The following SNX30 variants were observed in gnomAD, a reference collection of about 807,000 sequenced individuals.
The protein encoded by SNX30 is sorting nexin-30.
In SNX30, 24 loss-of-function variants were observed where a neutral mutation model predicts 46.4. The observed-to-expected ratio is 0.52, with a 90% CI of 0.37 to 0.73. SNX30 has a LOEUF of 0.73. SNX30 is among the 30% of genes least tolerant of loss of function. SNX30 has a pLI of 0.00. For synonymous variants in SNX30, 189 were observed against 211.5 expected (o/e 0.89, Z 0.92); for missense variants, 533 against 555.7 (o/e 0.96, Z 0.41).
At chr9:112,832,447 AGAGAGAGAGAGAGTGTGTGT>A (rs1184461200) in intron 4 of SNX30, among the ~76,000 whole-genome samples, 6 of 120,742 alleles carry the variant, frequency 5.0e-5, no homozygotes, top group African/African-American at 2.1e-4. Flanking sequence ...AGAGAGAGAG[AGAGAGAGAGAGAGTGTGTGT>A]GTGTGTGTGT....
intron 1 of SNX30, among the ~76,000 whole-genome samples, chr9:112,770,879 C>T (rs988347292): frequency 6.6e-6 from 1 of 152,084 alleles, no homozygotes; most frequent in African/African-American, 2.4e-5. Context: ...GCCTGTAGTC[C>T]CAGCTACTCA....
At chr9:112,829,421 G>A (rs974999591) in intron 3 of SNX30, among the ~76,000 whole-genome samples, 4 of 152,160 alleles carry the variant, frequency 2.6e-5, no homozygotes, top group Admixed American at 6.5e-5. Flanking sequence ...ATAGGTGCAA[G>A]CCACCATGCC....
intron 1 of SNX30, among the ~76,000 whole-genome samples, chr9:112,768,298 G>T (rs927713145): frequency 6.6e-6 from 1 of 152,160 alleles, no homozygotes; most frequent in Non-Finnish European, 1.5e-5. Context: ...GTTTCCAGCC[G>T]ACATCTATTG....
intron 1 of SNX30, among the ~76,000 whole-genome samples, chr9:112,762,327 G>A (rs1162299521): frequency 6.6e-6 from 1 of 152,118 alleles, no homozygotes; most frequent in Non-Finnish European, 1.5e-5. Flanking sequence ...AGCGTGTTTG[G>A]GTGGCCGAGT....
At chr9:112,824,656 AG>A (rs1473007470) in intron 3 of SNX30, among the ~76,000 whole-genome samples, 3 of 152,124 alleles carry the variant, frequency 2.0e-5, no homozygotes, top group Admixed American at 6.5e-5. Flanking sequence ...TTCCACCAGA[AG>A]GCTCTAGGGG....
rs1281493215 is a variant in SNX30, at chr9:112,785,099, A to G, written c.157-19677A>G. On this transcript the variant is annotated intron_variant, in intron 1 of 8. Coordinates refer to ENST00000374232, the MANE Select transcript of SNX30 (RefSeq NM_001012994.2). Reference sequence around the variant, plus strand: ...ACACCTATGTTTTGGTCTATAGAATAAATAGGGAGTGATTATTTTGTCCCA... The same window carrying G: ...ACACCTATGTTTTGGTCTATAGAATGAATAGGGAGTGATTATTTTGTCCCA... Among the ~76,000 whole-genome samples the G allele has an allele frequency of 2.0e-5, 3 of 152,182 alleles. No homozygotes were observed. The East Asian group carries it at 5.8e-4, about 29-fold the overall frequency.
chr9:112,871,239 G>A lies in SNX30; in HGVS notation c.*2396G>A, dbSNP rs1168095036. 6.6e-6 allele frequency: 1 copy of A among 152,194 alleles called. No individual in the cohort carries two copies. The highest frequency in any genetic ancestry group is 1.9e-4 in the East Asian group (1 of 5,184). The allele number at this position is 152,194 out of a possible 1,614,324, so 9.4% of individuals were successfully genotyped here. Reference sequence around the variant, plus strand: ...TGATAACAGAGCCAGGAAGTCCAGTGTACATTACAGATTTTCTGGGAGAAA... The same window carrying A: ...TGATAACAGAGCCAGGAAGTCCAGTATACATTACAGATTTTCTGGGAGAAA... On this transcript the variant is annotated 3_prime_UTR_variant, in exon 9 of 9. Transcript: ENST00000374232.
downstream of SNX30, among the ~76,000 whole-genome samples, chr9:112,875,500 C>A (rs1396042054): frequency 6.6e-6 from 1 of 152,216 alleles, no homozygotes; most frequent in Non-Finnish European, 1.5e-5. Context: ...GATCAAATCT[C>A]AGCTTTTCCA....
chr9:112,773,254 A>G (rs367630899), intron 1 of SNX30, among the ~76,000 whole-genome samples: 8 of 152,364 alleles, frequency 5.3e-5, no homozygotes, highest in African/African-American at 1.9e-4. Context: ...AAATGGGGTT[A>G]ATAATAGTAC....
At chr9:112,832,196 G>A (rs544957576) in intron 4 of SNX30, among the ~76,000 whole-genome samples, 2 of 151,930 alleles carry the variant, frequency 1.3e-5, no homozygotes, top group Non-Finnish European at 2.9e-5. Flanking sequence ...GGTTGGACAG[G>A]TACACTTTTT....
At chr9:112,751,629 C>T (rs796532725) in intron 1 of SNX30, among the ~76,000 whole-genome samples, 1 of 152,206 alleles carries the variant, frequency 6.6e-6, no homozygotes, top group Non-Finnish European at 1.5e-5. Context: ...TCCCCCTAGT[C>T]AGTCATGTGG....
At chr9:112,807,410 C>T (rs1470358209) in intron 2 of SNX30, among the ~76,000 whole-genome samples, 4 of 152,134 alleles carry the variant, frequency 2.6e-5, no homozygotes, top group African/African-American at 9.7e-5. Context: ...AAAGATATGT[C>T]TATGTAAGTA....
intron 4 of SNX30, among the ~76,000 whole-genome samples, chr9:112,835,472 A>ATTT (rs34706176): frequency 7.1e-6 from 1 of 141,796 alleles, no homozygotes. Flanking sequence ...TGCCCAACTA[A>ATTT]TTTTTTTTTT....
chr9:112,867,170 G>C (rs1278687238), intron 8 of SNX30, among the ~76,000 whole-genome samples: 1 of 124,316 alleles, frequency 8.0e-6, no homozygotes, highest in Non-Finnish European at 1.6e-5. Flanking sequence ...TTCCTTCTCA[G>C]GATTCCTCCT....
At chr9:112,813,862 T>C (rs189240527) in intron 2 of SNX30, among the ~76,000 whole-genome samples, 19 of 152,352 alleles carry the variant, frequency 1.2e-4, no homozygotes, top group African/African-American at 4.3e-4. Flanking sequence ...CATTAATAGT[T>C]TTTAATTATT....
rs1841285939 is a variant in SNX30, at chr9:112,864,382, A to T, written c.1237A>T (p.Ile413Phe). The change falls in exon 8 of 9, where the codon ATC becomes TTC. Residue 413 changes from isoleucine to phenylalanine, a missense_variant. By Grantham distance (21) the Ile-to-Phe change is conservative. This residue lies in a region of SNX30 where 261 missense variants were observed against 270.9 expected (regional missense o/e 0.96). Transcript: ENST00000374232. ...ACTCATGGGGATGGCTGACAAGAAC[A>T]TCCAGTATTATGAGAAGGTAATGAG... ...QLLMGMADKN[I>F]QYYEKCLMAW... 1.9e-6 allele frequency: 3 copies of T among 1,614,092 alleles called. No homozygotes were observed. Among genetic ancestry groups the T allele is most frequent in the Non-Finnish European group, 2.5e-6 (3 of 1,180,046 alleles).
intron 8 of SNX30, among the ~76,000 whole-genome samples, chr9:112,864,700 C>T (rs140455831): frequency 6.6e-6 from 1 of 152,204 alleles, no homozygotes; most frequent in Non-Finnish European, 1.5e-5. Flanking sequence ...ACCTTCAGCA[C>T]AGTGATGCTG....
intron 1 of SNX30, among the ~76,000 whole-genome samples, chr9:112,778,335 C>T (rs1013990810): frequency 7.2e-6 from 1 of 139,462 alleles, no homozygotes; most frequent in African/African-American, 2.7e-5. Context: ...TACAGTGGTG[C>T]GATCCCGGCT....
At chr9:112,791,652 A>G (rs1221405625) in intron 1 of SNX30, among the ~76,000 whole-genome samples, 1 of 151,096 alleles carries the variant, frequency 6.6e-6, no homozygotes, top group Non-Finnish European at 1.5e-5. Flanking sequence ...CTCGTGATCC[A>G]CCCGCCTTGG....
Sources: allele counts gnomAD v4.1 joint callset (sites outside exome capture counted in the v4.1 genomes callset), GRCh38; gene constraint gnomAD v4.1.1; regional missense constraint gnomAD v4.1.1; transcripts MANE v1.5; gene names NCBI Gene and HGNC (gene_info 2026-07-23, HGNC 2026-07-21).